The following CCDC122 variants were observed in gnomAD, a reference collection of about 807,000 sequenced individuals.
The protein encoded by CCDC122 is coiled-coil domain containing 122, also known as coiled-coil domain-containing protein 122.
In CCDC122, 38 loss-of-function variants were observed where a neutral mutation model predicts 37.0. The ratio of observed to expected loss-of-function variants is 1.03; its 90% CI spans 0.79 to 1.35. The LOEUF (loss-of-function observed/expected upper bound fraction) is 1.35. Ranked by LOEUF, CCDC122 falls within the 40% of genes most tolerant of loss-of-function variation. CCDC122 has a pLI of 0.00. For missense variants in CCDC122, 305 were observed against 310.0 expected, an observed-to-expected ratio of 0.98 and a Z score of 0.12; for synonymous variants, 83 against 95.6, an observed-to-expected ratio of 0.87 and a Z score of 0.77.
At chr13:43,835,952 A>T (rs2325086), downstream of CCDC122, among the ~76,000 whole-genome samples, 136,465 of 152,214 alleles carry the variant, frequency 0.9, 61,998 homozygotes, top group South Asian at 0.98. Flanking sequence ...TTTGAAGTGT[A>T]AGCCACATTA....
In CCDC122 at chr13:43,859,689, G is replaced by C; in HGVS notation, c.538C>G (p.Arg180Gly). 1 of 1,548,834 alleles carries C rather than the reference G, an allele frequency of 6.5e-7. No individual in the cohort carries two copies. The highest frequency in any genetic ancestry group is 1.4e-5 in the African/African-American group (1 of 71,702). ...TTGCACACCTGTACTTGTGTTATTC[G>C]GTTCCCTCCTGGATTTTGAAGATCT... ...MQDLQNPGGNRITQVQEDITN... is the reference protein window; with the variant it reads ...MQDLQNPGGNGITQVQEDITN... The change falls in exon 5 of 7, where the codon CGA becomes GGA. Residue 180 changes from arginine to glycine, a missense_variant. Physicochemically the swap from Arg to Gly is moderately radical, Grantham distance 125. Transcript: ENST00000444614.
At chr13:43,819,632 T>C (rs1240832086), downstream of CCDC122, among the ~76,000 whole-genome samples, 1 of 152,074 alleles carries the variant, frequency 6.6e-6, no homozygotes, top group Admixed American at 6.5e-5. Context: ...CATAAAGGGA[T>C]AAATACAGTA....
At position 43,879,737 on chromosome 13, in the gene CCDC122, A is replaced by G. The variant is rs3816312; in HGVS notation, c.-306T>C. The G allele has an allele frequency of 0.86, 119,213 of 139,286 alleles. 51,061 individuals are homozygous for G. The highest frequency in any genetic ancestry group is 0.92 in the South Asian group (3,937 of 4,294). 8.6% of individuals were successfully genotyped at this position (139,286 alleles called of 1,614,324 possible). ...GGAATCTGTGCGGCCGCGGCGAGGT[A>G]GGTGAGGTGAGGCGGGGCGAGGTGG... On this transcript the variant is annotated 5_prime_UTR_variant, in exon 1 of 7. Transcript: ENST00000444614.
intron 4 of CCDC122, among the ~76,000 whole-genome samples, chr13:43,867,142 T>C (rs1954299091): frequency 6.6e-6 from 1 of 152,144 alleles, no homozygotes; most frequent in Non-Finnish European, 1.5e-5. Context: ...GGATACTGGA[T>C]TATAATAAGT....
chr13:43,819,791 A>G (rs1446259693), downstream of CCDC122, among the ~76,000 whole-genome samples: 1 of 152,138 alleles, frequency 6.6e-6, no homozygotes, highest in Non-Finnish European at 1.5e-5. Context: ...ATTTGTAAAC[A>G]TGTAAATATC....
At chr13:43,829,474 T>G (rs1953068996) in intron 3 of CCDC122, among the ~76,000 whole-genome samples, 1 of 151,896 alleles carries the variant, frequency 6.6e-6, no homozygotes, top group Non-Finnish European at 1.5e-5. Flanking sequence ...CCTGGCTAAT[T>G]TTTGTATTTT....
chr13:43,829,466 T>C lies in CCDC122; in HGVS notation n.602-5455A>G, dbSNP rs557280435. On this transcript the variant is annotated intron_variant and non_coding_transcript_variant, in intron 3 of 3. Transcript: ENST00000470137. ...GACTACAGGCGTGTGCCACTACACCTGGCTAATTTTTGTATTTTTAGTAGA... is the reference window on the plus strand; with the variant it reads ...GACTACAGGCGTGTGCCACTACACCCGGCTAATTTTTGTATTTTTAGTAGA... Among the ~76,000 whole-genome samples the C allele has an allele frequency of 2.0e-5, 3 of 152,068 alleles. No homozygotes were observed. In the East Asian group the frequency reaches 5.8e-4, roughly 29 times the overall value.
chr13:43,853,264 A>G (rs1953803018), intron 6 of CCDC122, among the ~76,000 whole-genome samples: 2 of 152,198 alleles, frequency 1.3e-5, no homozygotes, highest in Admixed American at 1.3e-4. Context: ...AATGACACAC[A>G]TAGGCTCAAA....
chr13:43,831,378 T>C (rs907139620), downstream of CCDC122, among the ~76,000 whole-genome samples: 11 of 152,302 alleles, frequency 7.2e-5, no homozygotes, highest in African/African-American at 2.6e-4. Context: ...AATTGTAGGC[T>C]TGCTATATAT....
At chr13:43,854,777 C>G (rs888990342) in intron 6 of CCDC122, 1 of 152,102 alleles carries the variant, frequency 6.6e-6, no homozygotes, top group African/African-American at 2.4e-5. Flanking sequence ...TTATCCATCA[C>G]CATCAAGTAA....
chr13:43,855,818 A>C (rs1566947753), intron 6 of CCDC122: 1 of 152,188 alleles, frequency 6.6e-6, no homozygotes, highest in Non-Finnish European at 1.5e-5. Context: ...CTCAGACTTA[A>C]AAACAGAATC....
chr13:43,869,399 T>C lies in CCDC122; in HGVS notation c.-23A>G, dbSNP rs2153878922. ...CATTTTCTGTGTCTGTAATCTCTTTTCCCCTTTTTGATTTACCTTCTTTAC... is the reference window on the plus strand; with the variant it reads ...CATTTTCTGTGTCTGTAATCTCTTTCCCCCTTTTTGATTTACCTTCTTTAC... On this transcript the variant is annotated 5_prime_UTR_variant, in exon 3 of 7. Coordinates refer to ENST00000444614, the MANE Select transcript of CCDC122 (RefSeq NM_144974.5). 1.3e-6 allele frequency: 2 copies of C among 1,596,526 alleles called. No individual in the cohort carries two copies. The highest frequency in any genetic ancestry group is 1.1e-5 in the South Asian group (1 of 88,438).
In CCDC122 at chr13:43,836,996, CATGAGT is replaced by C. The variant is rs1324480119; in HGVS notation, c.*278_*283del. 1 of 253,102 alleles carries C rather than the reference CATGAGT, an allele frequency of 4.0e-6. No homozygotes were observed. The allele number at this position is 253,102 out of a possible 1,614,324, so 15.7% of individuals were successfully genotyped here. On this transcript the variant is annotated 3_prime_UTR_variant, in exon 7 of 7. Transcript: ENST00000444614. ...AGTGAATGCAACATAAACAGGTATT[CATGAGT>C]ATAATACATTTTACACACTCCAAAT... is the stretch of plus-strand genomic sequence containing the variant.
At chr13:43,835,563 C>G (rs1953141936), downstream of CCDC122, among the ~76,000 whole-genome samples, 2 of 152,176 alleles carry the variant, frequency 1.3e-5, no homozygotes, top group Non-Finnish European at 1.5e-5. Context: ...TAGAAAACTA[C>G]ATTAAAACTT....
At chr13:43,848,332 A>C (rs896067671) in intron 6 of CCDC122, among the ~76,000 whole-genome samples, 9 of 152,194 alleles carry the variant, frequency 5.9e-5, no homozygotes, top group African/African-American at 2.2e-4. Flanking sequence ...ATGCCAAAGC[A>C]TTGCTTGCAG....
At chr13:43,878,239 T>C (rs1954714896) in intron 1 of CCDC122, 1 of 152,046 alleles carries the variant, frequency 6.6e-6, no homozygotes, top group Admixed American at 6.5e-5. Context: ...AAAGTAATTG[T>C]GGTCTTTGTC....
intron 1 of CCDC122, among the ~76,000 whole-genome samples, chr13:43,878,858 A>T (rs1346278306): frequency 2.0e-5 from 3 of 152,166 alleles, no homozygotes; most frequent in African/African-American, 7.2e-5. Context: ...CGCTCGGAAG[A>T]GTGTTGGTCA....
intron 6 of CCDC122, among the ~76,000 whole-genome samples, chr13:43,852,375 A>G (rs1953768102): frequency 6.6e-6 from 1 of 152,088 alleles, no homozygotes; most frequent in South Asian, 2.1e-4. Flanking sequence ...CAAGCAGAGG[A>G]AAGAATCTCA....
chr13:43,819,961 G>C (rs921411991), downstream of CCDC122, among the ~76,000 whole-genome samples: 2 of 22,554 alleles, frequency 8.9e-5, no homozygotes, highest in African/African-American at 1.6e-4. Flanking sequence ...CCAAAAACCT[G>C]AAGTTTTTTT....
Sources: gnomAD v4.1 joint callset for allele counts (sites outside exome capture counted in the v4.1 genomes callset) on GRCh38, gnomAD v4.1.1 for gene constraint, MANE v1.5 for transcripts, NCBI Gene and HGNC (gene_info 2026-07-23, HGNC 2026-07-21) for gene names.